Variants in OR2M2 observed in about 807,000 individuals in gnomAD.
The protein encoded by OR2M2 is olfactory receptor family 2 subfamily M member 2, also known as olfactory receptor 2M2.
For missense variants in OR2M2, 467 were observed against 429.9 expected (o/e 1.09, Z -0.76); for synonymous variants, 168 against 151.7 (o/e 1.11, Z -0.79).
intron 1 of OR2M2, among the ~76,000 whole-genome samples, chr1:248,179,175 C>T (rs1050617481): frequency 2.0e-5 from 3 of 152,108 alleles, no homozygotes; most frequent in African/African-American, 7.2e-5. Flanking sequence ...CGCTGCCTCC[C>T]CTATCACATG....
chr1:248,180,689 G>A lies in OR2M2; in HGVS notation c.704G>A (p.Cys235Tyr), dbSNP rs142589543. The change falls in exon 2 of 2, where the codon TGC (cysteine) becomes TAC (tyrosine). Residue 235 changes from cysteine to tyrosine, a missense_variant. Physicochemically the swap from Cys to Tyr is radical, Grantham distance 194. Coordinates refer to ENST00000641836, the MANE Select transcript of OR2M2 (RefSeq NM_001004688.2). ...VIHMGSGEGR[C>Y]KAFTTCSSHL... The stretch of plus-strand genomic sequence containing the variant: ...CACATGGGATCTGGAGAGGGTCGTT[G>A]CAAAGCTTTCACGACCTGTTCCTCT... 3.7e-3 allele frequency: 5,963 copies of A among 1,612,508 alleles called. 179 individuals are homozygous for A. In the African/African-American group the frequency reaches 0.068, roughly 19 times the overall value.
chr1:248,176,184 T>C (rs1665854873), intron 1 of OR2M2, among the ~76,000 whole-genome samples: 1 of 152,140 alleles, frequency 6.6e-6, no homozygotes, highest in Non-Finnish European at 1.5e-5. Context: ...CATCAAATTT[T>C]GTTCACTCGA....
chr1:248,176,919 T>C (rs958132275), intron 1 of OR2M2, among the ~76,000 whole-genome samples: 4 of 152,120 alleles, frequency 2.6e-5, no homozygotes, highest in Non-Finnish European at 5.9e-5. Context: ...ACATTATTTT[T>C]CTTTATAGGA....
intron 1 of OR2M2, among the ~76,000 whole-genome samples, chr1:248,177,634 T>C (rs1251683604): frequency 1.3e-5 from 2 of 152,116 alleles, no homozygotes; most frequent in Admixed American, 6.6e-5. Context: ...TCATAAGCAC[T>C]GGAAATTATT....
chr1:248,175,124 A>G (rs1665845102), intron 1 of OR2M2, among the ~76,000 whole-genome samples: 1 of 152,168 alleles, frequency 6.6e-6, no homozygotes, highest in Admixed American at 6.5e-5. Context: ...TATATCCTGG[A>G]ATCCCAGATG....
At position 248,180,745 on chromosome 1, in the gene OR2M2, G is replaced by C; in HGVS notation, c.760G>C (p.Ala254Pro). 6.2e-7 allele frequency: 1 copy of C among 1,613,740 alleles called. No individual in the cohort carries two copies. The highest frequency in any genetic ancestry group is 1.7e-4 in the Middle Eastern group (1 of 5,930). The change falls in exon 2 of 2, where the codon GCA (alanine) becomes CCA (proline). Residue 254 changes from alanine (A) to proline (P), a missense_variant. Physicochemically the swap from Ala to Pro is conservative, Grantham distance 27. Transcript: ENST00000641836. ...HLMVVGMYYG[A>P]ALFMYIRPTS... ...CATGGTGGTGGGAATGTACTATGGAGCAGCTTTGTTCATGTACATACGGCC... is the reference window on the plus strand; with the variant it reads ...CATGGTGGTGGGAATGTACTATGGACCAGCTTTGTTCATGTACATACGGCC...
At chr1:248,176,613 C>A (rs1665859325) in intron 1 of OR2M2, among the ~76,000 whole-genome samples, 1 of 151,912 alleles carries the variant, frequency 6.6e-6, no homozygotes, top group Non-Finnish European at 1.5e-5. Context: ...TTTGACAAAG[C>A]TGCTTTTTAT....
chr1:248,178,041 A>G (rs554645215), intron 1 of OR2M2: 2 of 152,254 alleles, frequency 1.3e-5, no homozygotes, highest in East Asian at 3.9e-4. Context: ...ATGAAAATTT[A>G]AAACTGCTTT....
intron 1 of OR2M2, chr1:248,178,003 A>G (rs951709035): frequency 6.6e-6 from 1 of 152,142 alleles, no homozygotes. Context: ...TTGGTAGGTT[A>G]GTATTTCCAC....
chr1:248,175,936 C>G (rs1665852367), intron 1 of OR2M2, among the ~76,000 whole-genome samples: 10 of 152,072 alleles, frequency 6.6e-5, no homozygotes, highest in Admixed American at 6.5e-4. Context: ...GTGAGACTCA[C>G]CAATGCTACT....
rs776463824 is a variant in OR2M2 at position 248,179,954 on chromosome 1, T to G, written c.-18-14T>G. ...AATGTTTACCAAATTAATAAGATGG[T>G]TTTGTGGTACTAGGTAAAAAGCACA... On this transcript the variant is annotated splice_polypyrimidine_tract_variant and intron_variant, in intron 1 of 1. Transcript: ENST00000641836. The G allele has an allele frequency of 2.5e-6, 4 of 1,574,248 alleles. No individual in the cohort carries two copies. In the South Asian group the frequency reaches 4.8e-5, roughly 19 times the overall value.
rs374044525 is a variant in OR2M2, at chr1:248,180,388, C to G, written c.403C>G (p.Leu135Val). The change falls in exon 2 of 2, where the codon CTC becomes GTC. Residue 135 changes from leucine to valine, a missense_variant. Physicochemically the swap from Leu to Val is conservative, Grantham distance 32. Coordinates refer to ENST00000641836, the MANE Select transcript of OR2M2 (RefSeq NM_001004688.2). ...AICHPLRYTN[L>V]MNPKICGLMA... ...TTGCCACCCTCTAAGATATACCAATCTCATGAATCCTAAAATTTGTGGACT... is the reference window on the plus strand; with the variant it reads ...TTGCCACCCTCTAAGATATACCAATGTCATGAATCCTAAAATTTGTGGACT... 4.3e-6 allele frequency: 7 copies of G among 1,614,068 alleles called. No individual in the cohort carries two copies. The highest frequency in any genetic ancestry group is 5.9e-6 in the Non-Finnish European group (7 of 1,180,006).
At position 248,179,958 on chromosome 1, in the gene OR2M2, G is replaced by T; in HGVS notation, c.-18-10G>T. ...TTTACCAAATTAATAAGATGGTTTT[G>T]TGGTACTAGGTAAAAAGCACATTCA... On this transcript the variant is annotated splice_polypyrimidine_tract_variant and intron_variant, in intron 1 of 1. Transcript: ENST00000641836. 1 of 1,578,196 alleles carries T rather than the reference G, an allele frequency of 6.3e-7. No homozygotes were observed. Among genetic ancestry groups the T allele is most frequent in the South Asian group, 1.2e-5 (1 of 84,334 alleles).
At position 248,180,151 on chromosome 1, in the gene OR2M2, C is replaced by T; in HGVS notation, c.166C>T (p.His56Tyr). 1.2e-6 allele frequency: 2 copies of T among 1,613,850 alleles called. No individual in the cohort carries two copies. Among genetic ancestry groups the T allele is most frequent in the South Asian group, 2.2e-5 (2 of 91,054 alleles). ...VLLIYLDTQL[H>Y]TPMYFLLSQL... ...CCTCATCTACCTGGACACCCAGCTCCACACCCCCATGTACTTCCTCCTCAG... is the reference window on the plus strand; with the variant it reads ...CCTCATCTACCTGGACACCCAGCTCTACACCCCCATGTACTTCCTCCTCAG... Residue 56 changes from histidine to tyrosine, a missense_variant, in exon 2 of 2, where the codon CAC (histidine) becomes TAC (tyrosine). His to Tyr is a moderately conservative substitution (Grantham distance 83). Coordinates refer to ENST00000641836, the MANE Select transcript of OR2M2 (RefSeq NM_001004688.2).
chr1:248,178,073 T>C (rs1018001408), intron 1 of OR2M2: 4 of 152,058 alleles, frequency 2.6e-5, no homozygotes, highest in African/African-American at 9.7e-5. Flanking sequence ...TTCTTTCTTA[T>C]TCACAATATT....
Position 248,180,059 on chromosome 1 carries a change from C to G in OR2M2, c.74C>G (p.Thr25Arg). Residue 25 changes from threonine (T) to arginine (R), a missense_variant, in exon 2 of 2, where the codon ACG (threonine) becomes AGG (arginine). Coordinates refer to ENST00000641836, the MANE Select transcript of OR2M2 (RefSeq NM_001004688.2). ...LGIFNHSPPH[T>R]FLFFLVLGIF... ...ATCTTCAATCACAGCCCACCACACA[C>G]GTTCCTCTTCTTTCTGGTCCTGGGC... 1 of 1,613,990 alleles carries G rather than the reference C, an allele frequency of 6.2e-7. No individual in the cohort carries two copies. The highest frequency in any genetic ancestry group is 1.1e-5 in the South Asian group (1 of 91,076).
intron 1 of OR2M2, among the ~76,000 whole-genome samples, chr1:248,179,069 T>C (rs560998031): frequency 6.6e-6 from 1 of 152,314 alleles, no homozygotes; most frequent in African/African-American, 2.4e-5. Flanking sequence ...TTCTGAGGGC[T>C]CTAAGAGGAC....
chr1:248,175,724 T>G (rs1558244934), intron 1 of OR2M2, among the ~76,000 whole-genome samples: 1 of 152,166 alleles, frequency 6.6e-6, no homozygotes, highest in Non-Finnish European at 1.5e-5. Flanking sequence ...TTTTGTAAAA[T>G]GTTTTAAAAT....
At chr1:248,178,256 T>G (rs1178037995) in intron 1 of OR2M2, among the ~76,000 whole-genome samples, 1 of 152,108 alleles carries the variant, frequency 6.6e-6, no homozygotes, top group Non-Finnish European at 1.5e-5. Flanking sequence ...TTGTTTTTAG[T>G]CTCTTCATAA....
Sources: allele counts gnomAD v4.1 joint callset (sites outside exome capture counted in the v4.1 genomes callset), GRCh38; gene constraint gnomAD v4.1.1; transcripts MANE v1.5; gene names NCBI Gene and HGNC (gene_info 2026-07-23, HGNC 2026-07-21).